The following MAST4 variants were observed in gnomAD, a reference collection of about 807,000 sequenced individuals.
The protein encoded by MAST4 is microtubule associated serine/threonine kinase family member 4, also known as microtubule-associated serine/threonine-protein kinase 4.
Under a neutral mutation model 162.7 loss-of-function variants are expected in MAST4, and 89 were observed. The observed-to-expected ratio is 0.55, with a 90% confidence interval of 0.46 to 0.65. The LOEUF (loss-of-function observed/expected upper bound fraction) is 0.65. Ranked by LOEUF, MAST4 falls within the 30% of genes least tolerant of loss-of-function variation. The probability of loss-of-function intolerance (pLI) is 0.00; values close to 1 mark genes in which losing one functional copy is unlikely to be tolerated. For missense variants in MAST4, 3,153 were observed against 3,374.0 expected, an observed-to-expected ratio of 0.93 and a Z score of 1.62; for synonymous variants, 1,479 against 1,361.1, an observed-to-expected ratio of 1.09 and a Z score of -1.91.
chr5:66,904,490 C>T (rs996250780), intron 4 of MAST4, among the ~76,000 whole-genome samples: 2 of 152,172 alleles, frequency 1.3e-5, no homozygotes, highest in Admixed American at 6.5e-5. Context: ...TAGATTCTCC[C>T]TGCTGCTTAA....
chr5:66,827,528 G>A (rs1164278603), intron 3 of MAST4, among the ~76,000 whole-genome samples: 2 of 152,178 alleles, frequency 1.3e-5, no homozygotes, highest in Non-Finnish European at 2.9e-5. Flanking sequence ...TCAATTGAGA[G>A]CAAGCGTATT....
At chr5:66,902,216 T>C (rs1466566044) in intron 4 of MAST4, among the ~76,000 whole-genome samples, 1 of 152,188 alleles carries the variant, frequency 6.6e-6, no homozygotes, top group Non-Finnish European at 1.5e-5. Context: ...GTATTTCTTA[T>C]TGTCTTTGGT....
chr5:66,728,570 A>C (rs1224095820), intron 1 of MAST4, among the ~76,000 whole-genome samples: 1 of 152,130 alleles, frequency 6.6e-6, no homozygotes, highest in East Asian at 1.9e-4. Context: ...TTTAGACATG[A>C]GATTTATTTA....
In MAST4 at chr5:67,168,593, A is replaced by G. The variant is rs1014597050; in HGVS notation, c.*1542A>G. On this transcript the variant is annotated 3_prime_UTR_variant, in exon 29 of 29. Coordinates refer to ENST00000403625, the MANE Select transcript of MAST4 (RefSeq NM_001164664.2). ...TTGCTGATATAAATACTAAGGCACT[A>G]AGAGAAAATACAGATAAGTATTTAT... 4 of 152,210 alleles carry G rather than the reference A, an allele frequency of 2.6e-5. No individual in the cohort carries two copies. The highest frequency in any genetic ancestry group is 9.7e-5 in the African/African-American group (4 of 41,450). 9.4% of individuals were successfully genotyped at this position (152,210 alleles called of 1,614,324 possible). A position where few individuals can be genotyped will look rare whatever the true frequency, so the allele number is the denominator to read the frequency against.
At chr5:66,747,640 G>A (rs960866611) in intron 1 of MAST4, among the ~76,000 whole-genome samples, 3 of 152,148 alleles carry the variant, frequency 2.0e-5, no homozygotes, top group African/African-American at 7.2e-5. Flanking sequence ...AAAGCTTTTA[G>A]GATGACCTAC....
At chr5:67,029,273 A>G (rs568720773) in intron 4 of MAST4, among the ~76,000 whole-genome samples, 2 of 152,288 alleles carry the variant, frequency 1.3e-5, no homozygotes, top group African/African-American at 4.8e-5. Flanking sequence ...GGCCCTCTGC[A>G]TTCCCAAGAG....
intron 19 of MAST4, among the ~76,000 whole-genome samples, chr5:67,139,029 A>G (rs1478881509): frequency 6.6e-6 from 1 of 152,186 alleles, no homozygotes; most frequent in Admixed American, 6.5e-5. Flanking sequence ...TGCTACTTTC[A>G]GTCTTTTTAG....
At position 67,130,193 on chromosome 5, in the gene MAST4, C is replaced by T; in HGVS notation, c.1746-17C>T. 1.9e-6 allele frequency: 3 copies of T among 1,602,768 alleles called. No individual in the cohort carries two copies. Among genetic ancestry groups the T allele is most frequent in the Non-Finnish European group, 2.6e-6 (3 of 1,173,472 alleles). On this transcript the variant is annotated splice_polypyrimidine_tract_variant and intron_variant, in intron 14 of 28. Coordinates refer to ENST00000403625, the MANE Select transcript of MAST4 (RefSeq NM_001164664.2). The stretch of plus-strand genomic sequence containing the variant: ...TTCTCTCCTCCTGTCAACCCCAATA[C>T]TTCTGCTCCTTTTCAGGGCAGTCTA...
chr5:67,140,550 T>C (rs1421394248), intron 19 of MAST4, among the ~76,000 whole-genome samples: 2 of 152,214 alleles, frequency 1.3e-5, no homozygotes, highest in African/African-American at 4.8e-5. Flanking sequence ...AATTAAAGCA[T>C]GCCTCTGCCT....
intron 3 of MAST4, among the ~76,000 whole-genome samples, chr5:66,789,054 T>C (rs902800602): frequency 2.0e-5 from 3 of 152,222 alleles, no homozygotes; most frequent in African/African-American, 7.2e-5. Flanking sequence ...TGTAGCTTTT[T>C]ATTTTGAAAT....
At chr5:67,121,151 G>A in intron 14 of MAST4, 49 bp downstream of exon 14, 9 of 1,380,988 alleles carry the variant, frequency 6.5e-6, no homozygotes, top group Non-Finnish European at 9.1e-6. Flanking sequence ...ACACTCAAGT[G>A]ATATATTTAT....
At chr5:66,825,332 A>T (rs1173586090) in intron 3 of MAST4, among the ~76,000 whole-genome samples, 2 of 150,914 alleles carry the variant, frequency 1.3e-5, no homozygotes, top group African/African-American at 2.4e-5. Context: ...TCCTACACAG[A>T]GTCAGGATCA....
At chr5:66,751,211 A>G (rs955131635) in intron 1 of MAST4, among the ~76,000 whole-genome samples, 2 of 152,140 alleles carry the variant, frequency 1.3e-5, no homozygotes, top group African/African-American at 4.8e-5. Flanking sequence ...CAGAACAGAA[A>G]AACTGGAAAC....
Position 66,726,816 on chromosome 5 carries a change from G to A in MAST4, c.364-32893G>A, listed in dbSNP as rs546076130. On this transcript the variant is annotated intron_variant, in intron 1 of 28. Coordinates refer to ENST00000403625, the MANE Select transcript of MAST4 (RefSeq NM_001164664.2). ...ACTGCGCATACGAGGGATCTAGGTTGTGTGCTCCTTATGAGAATCTAATCC... is the reference window on the plus strand; with the variant it reads ...ACTGCGCATACGAGGGATCTAGGTTATGTGCTCCTTATGAGAATCTAATCC... 8.5e-5 allele frequency among the ~76,000 whole-genome samples: 13 copies of A among 152,242 alleles called. No individual in the cohort carries two copies. In the East Asian group the frequency reaches 2.5e-3, roughly 29 times the overall value.
At chr5:66,826,836 TGTAAGCTG>T (rs1249520886) in intron 3 of MAST4, among the ~76,000 whole-genome samples, 4 of 152,228 alleles carry the variant, frequency 2.6e-5, no homozygotes, top group African/African-American at 9.6e-5. Context: ...GCAATGACAC[TGTAAGCTG>T]GTAAATATAT....
intron 3 of MAST4, among the ~76,000 whole-genome samples, chr5:66,875,814 G>A (rs1207984251): frequency 6.6e-6 from 1 of 152,192 alleles, no homozygotes; most frequent in Non-Finnish European, 1.5e-5. Context: ...AGGCTGGAGT[G>A]CGGTAGCACA....
intron 10 of MAST4, among the ~76,000 whole-genome samples, chr5:67,108,314 G>A (rs1765819597): frequency 6.6e-6 from 1 of 152,144 alleles, no homozygotes; most frequent in African/African-American, 2.4e-5. Context: ...AGAAAGTTCA[G>A]TATCCTTCCC....
intron 2 of MAST4, among the ~76,000 whole-genome samples, chr5:66,762,999 A>G (rs1753921227): frequency 6.6e-6 from 1 of 152,234 alleles, no homozygotes; most frequent in African/African-American, 2.4e-5. Flanking sequence ...AATTATATTT[A>G]CTGGCTTATT....
chr5:66,907,198 A>AGAGAGAGAGAGAGAGAGAGAGAGAGT (rs1763422526), intron 4 of MAST4, among the ~76,000 whole-genome samples: 1 of 107,856 alleles, frequency 9.3e-6, no homozygotes, highest in Admixed American at 9.2e-5. Context: ...AGAGAGAGAG[A>AGAGAGAGAGAGAGAGAGAGAGAGAGT]GAGAGAGAGT....
Sources: gnomAD v4.1 joint callset for allele counts (sites outside exome capture counted in the v4.1 genomes callset) on GRCh38, gnomAD v4.1.1 for gene constraint, MANE v1.5 for transcripts, NCBI Gene and HGNC (gene_info 2026-07-23, HGNC 2026-07-21) for gene names.